The following ATXN1 variants were observed in gnomAD, a reference collection of about 807,000 sequenced individuals.
ATXN1 encodes the protein ataxin 1, also known as ataxin-1.
Under a neutral mutation model 56.4 loss-of-function variants are expected in ATXN1, and 8 were observed. The ratio of observed to expected loss-of-function variants is 0.14; its 90% CI spans 0.08 to 0.26. ATXN1 has a LOEUF of 0.26. ATXN1 is among the 10% of genes least tolerant of loss of function. The probability of loss-of-function intolerance (pLI) is 1.00; values close to 1 mark genes in which losing one functional copy is unlikely to be tolerated. For synonymous variants in ATXN1, 514 were observed against 494.6 expected (o/e 1.04, Z -0.52); for missense variants, 987 against 1,106.5 (o/e 0.89, Z 1.53).
chr6:16,363,363 G>C (rs1761853515), intron 6 of ATXN1, among the ~76,000 whole-genome samples: 3 of 152,216 alleles, frequency 2.0e-5, no homozygotes, highest in Admixed American at 2.0e-4. Flanking sequence ...ATCCTGTCTA[G>C]TAATAACTGC....
intron 2 of ATXN1, among the ~76,000 whole-genome samples, chr6:16,700,260 T>C (rs1039836328): frequency 6.6e-6 from 1 of 152,144 alleles, no homozygotes; most frequent in African/African-American, 2.4e-5. Context: ...GGTGCTCAAC[T>C]CTTGAAGAAT....
At chr6:16,398,138 G>T (rs960456378) in intron 6 of ATXN1, among the ~76,000 whole-genome samples, 1 of 152,022 alleles carries the variant, frequency 6.6e-6, no homozygotes, top group African/African-American at 2.4e-5. Context: ...CCTTCCTTTA[G>T]TTAGCAACGC....
At chr6:16,320,769 C>T (rs1760629911) in intron 7 of ATXN1, among the ~76,000 whole-genome samples, 1 of 152,238 alleles carries the variant, frequency 6.6e-6, no homozygotes, top group Non-Finnish European at 1.5e-5. Context: ...CCAGTTCATA[C>T]TCAGAAATAC....
intron 5 of ATXN1, among the ~76,000 whole-genome samples, chr6:16,486,914 A>G (rs1238500597): frequency 6.6e-6 from 1 of 152,006 alleles, no homozygotes; most frequent in Non-Finnish European, 1.5e-5. Flanking sequence ...ACTTACACCC[A>G]CCAGAGTGGC....
intron 6 of ATXN1, among the ~76,000 whole-genome samples, chr6:16,458,049 T>C (rs1040666001): frequency 6.6e-6 from 1 of 152,252 alleles, no homozygotes; most frequent in Non-Finnish European, 1.5e-5. Flanking sequence ...AGAGATGTCA[T>C]GCTATTGTTA....
chr6:16,697,176 T>C (rs1759182449), intron 2 of ATXN1, among the ~76,000 whole-genome samples: 2 of 152,244 alleles, frequency 1.3e-5, no homozygotes, highest in African/African-American at 2.4e-5. Flanking sequence ...TTAGTTAATT[T>C]TGCTTTAGAT....
Position 16,398,670 on chromosome 6 carries a change from GA to G in ATXN1, c.-160-70201del, listed in dbSNP as rs1329081458. Among the ~76,000 whole-genome samples, 4 of 152,128 alleles carry G rather than the reference GA, an allele frequency of 2.6e-5. No homozygotes were observed. The East Asian group carries it at 5.8e-4, about 22-fold the overall frequency. Reference sequence around the variant, plus strand: ...CCAGGAGTTATACAGCAAAAAAGAAGAAAAAAATCCCTGCCTTTTATCAGAT... The same window carrying G: ...CCAGGAGTTATACAGCAAAAAAGAAGAAAAAATCCCTGCCTTTTATCAGAT... On this transcript the variant is annotated intron_variant, in intron 6 of 7. Transcript: ENST00000436367.
chr6:16,749,812 A>G (rs1341798679), intron 2 of ATXN1, among the ~76,000 whole-genome samples: 2 of 152,146 alleles, frequency 1.3e-5, no homozygotes, highest in Non-Finnish European at 2.9e-5. Flanking sequence ...CCAAGAACCC[A>G]ATTTCAAAGA....
intron 6 of ATXN1, among the ~76,000 whole-genome samples, chr6:16,465,824 C>T (rs906776926): frequency 1.3e-5 from 2 of 152,050 alleles, no homozygotes; most frequent in Non-Finnish European, 2.9e-5. Flanking sequence ...AATGATGTAC[C>T]AAGAGGTGTC....
intron 7 of ATXN1, among the ~76,000 whole-genome samples, chr6:16,308,140 G>A (rs1760298542): frequency 6.6e-6 from 1 of 151,382 alleles, no homozygotes; most frequent in South Asian, 2.1e-4. Flanking sequence ...AGCCTGGCCA[G>A]CATGGTGAAA....
chr6:16,742,928 A>G (rs1386190517), intron 2 of ATXN1, among the ~76,000 whole-genome samples: 1 of 152,222 alleles, frequency 6.6e-6, no homozygotes, highest in Admixed American at 6.5e-5. Context: ...AGATAAAAGT[A>G]TCTCCTTGGG....
rs114369537 is a variant in ATXN1, at chr6:16,548,332, A to C, written c.-360-25644T>G. On this transcript the variant is annotated intron_variant, in intron 4 of 7. Coordinates refer to ENST00000436367, the MANE Select transcript of ATXN1 (RefSeq NM_001128164.2). ...TGAGTCAGTGAGTGGGTGGTGAGCG[A>C]ATGTGAAGGCCTAGGACATTACTGT... Among the ~76,000 whole-genome samples, 638 of 152,332 alleles carry C rather than the reference A, an allele frequency of 4.2e-3. 3 individuals are homozygous for C. Among genetic ancestry groups the C allele is most frequent in the African/African-American group, 0.015 (621 of 41,562 alleles).
chr6:16,522,080 C>T (rs1165598934), intron 5 of ATXN1, among the ~76,000 whole-genome samples: 1 of 152,198 alleles, frequency 6.6e-6, no homozygotes, highest in Non-Finnish European at 1.5e-5. Context: ...CATCATGCAG[C>T]TAGGAGCCAA....
At chr6:16,691,824 G>A (rs111695554) in intron 2 of ATXN1, among the ~76,000 whole-genome samples, 33 of 152,318 alleles carry the variant, frequency 2.2e-4, no homozygotes, top group African/African-American at 7.2e-4. Flanking sequence ...AACTCCCCAC[G>A]TGATAGTATT....
At chr6:16,584,601 C>T (rs575146177) in intron 4 of ATXN1, among the ~76,000 whole-genome samples, 6 of 151,708 alleles carry the variant, frequency 4.0e-5, no homozygotes, top group African/African-American at 1.5e-4. Context: ...GAAGGTTCTA[C>T]AAAACAGTAC....
At chr6:16,608,134 C>T (rs896847091) in intron 3 of ATXN1, among the ~76,000 whole-genome samples, 3 of 152,190 alleles carry the variant, frequency 2.0e-5, no homozygotes, top group African/African-American at 7.2e-5. Context: ...ATCTGTTCCA[C>T]GCAACCCTGG....
At chr6:16,548,979 A>G (rs917249687) in intron 4 of ATXN1, among the ~76,000 whole-genome samples, 25 of 152,144 alleles carry the variant, frequency 1.6e-4, no homozygotes, top group African/African-American at 6.0e-4. Flanking sequence ...ACAAACACGC[A>G]TTAGTCTAGG....
intron 2 of ATXN1, among the ~76,000 whole-genome samples, chr6:16,675,525 A>G (rs1318692493): frequency 2.0e-5 from 3 of 152,166 alleles, no homozygotes; most frequent in Non-Finnish European, 2.9e-5. Context: ...TATGGCACAC[A>G]TGAAGGCGAA....
intron 5 of ATXN1, among the ~76,000 whole-genome samples, chr6:16,521,646 C>CTGT (rs2113695473): frequency 6.6e-6 from 1 of 152,330 alleles, no homozygotes; most frequent in Non-Finnish European, 1.5e-5. Context: ...TATAGGAACC[C>CTGT]TGTTAGCCAT....
Sources: allele counts gnomAD v4.1 joint callset (sites outside exome capture counted in the v4.1 genomes callset), GRCh38; gene constraint gnomAD v4.1.1; transcripts MANE v1.5; gene names NCBI Gene and HGNC (gene_info 2026-07-23, HGNC 2026-07-21).